MAMDC2: variants seen among roughly 807,000 people sequenced by gnomAD.
The protein encoded by MAMDC2 is MAM domain containing 2.
In MAMDC2, 57 loss-of-function variants were observed where a neutral mutation model predicts 89.8. That is an observed-to-expected ratio of 0.63 (90% CI 0.51 to 0.79). The LOEUF (loss-of-function observed/expected upper bound fraction) is 0.79. Among genes scored for constraint, MAMDC2 ranks in the 30% least tolerant of loss-of-function variants. MAMDC2 has a pLI of 0.00. For missense variants in MAMDC2, 800 were observed against 820.6 expected, an observed-to-expected ratio of 0.97 and a Z score of 0.31; for synonymous variants, 313 against 293.4, an observed-to-expected ratio of 1.07 and a Z score of -0.68.
At chr9:70,154,629 GTCC>G (rs2031690023) in intron 9 of MAMDC2, among the ~76,000 whole-genome samples, 1 of 149,802 alleles carries the variant, frequency 6.7e-6, no homozygotes, top group African/African-American at 2.5e-5. Context: ...GGCTCAAGCA[GTCC>G]TCCCACCTCA....
intron 4 of MAMDC2, among the ~76,000 whole-genome samples, chr9:70,110,293 A>G (rs752784): frequency 0.033 from 5,015 of 152,302 alleles, 270 homozygotes; most frequent in African/African-American, 0.11. Flanking sequence ...GGCATAAAGA[A>G]AGGATAAACC....
At chr9:70,049,132 G>T (rs1826829158) in intron 2 of MAMDC2, among the ~76,000 whole-genome samples, 1 of 152,168 alleles carries the variant, frequency 6.6e-6, no homozygotes, top group South Asian at 2.1e-4. Context: ...TACAGAAAAA[G>T]GTTGGATGGC....
intron 12 of MAMDC2, among the ~76,000 whole-genome samples, chr9:70,221,374 T>TAGAGAGAGAGAG: frequency 1.5e-4 from 1 of 6,484 alleles, no homozygotes; most frequent in Non-Finnish European, 3.3e-4. Flanking sequence ...TATATATATA[T>TAGAGAGAGAGAG]ATATATAGAG....
intron 5 of MAMDC2, among the ~76,000 whole-genome samples, chr9:70,121,193 C>T (rs2030266973): frequency 6.6e-6 from 1 of 152,206 alleles, no homozygotes; most frequent in Non-Finnish European, 1.5e-5. Context: ...AAAGTTCTTT[C>T]CCTAATGCAA....
At chr9:70,129,384 ACATGGAACTGTAAGTC>A (rs2030697699) in intron 6 of MAMDC2, among the ~76,000 whole-genome samples, 1 of 152,186 alleles carries the variant, frequency 6.6e-6, no homozygotes, top group Non-Finnish European at 1.5e-5. Context: ...CTCCCCAGCC[ACATGGAACTGTAAGTC>A]CATTAAACTC....
In MAMDC2 at chr9:70,044,045, T is replaced by G; in HGVS notation, c.-153T>G. ...GGCTCCGGGAGCCGCTCTGCAAAGTTGGGCAGCTCAGAGCGCAAGCTTTGC... is the reference window on the plus strand; with the variant it reads ...GGCTCCGGGAGCCGCTCTGCAAAGTGGGGCAGCTCAGAGCGCAAGCTTTGC... On this transcript the variant is annotated 5_prime_UTR_variant, in exon 1 of 14. Coordinates refer to ENST00000377182, the MANE Select transcript of MAMDC2 (RefSeq NM_153267.5). 1.2e-6 allele frequency: 1 copy of G among 847,586 alleles called. No homozygotes were observed. Among genetic ancestry groups the G allele is most frequent in the African/African-American group, 1.7e-5 (1 of 59,368 alleles). 52.5% of individuals were successfully genotyped at this position (847,586 alleles called of 1,614,324 possible).
chr9:70,216,399 A>G (rs1383270113), intron 11 of MAMDC2: 1 of 151,308 alleles, frequency 6.6e-6, no homozygotes, highest in Non-Finnish European at 1.5e-5. Context: ...GTGTGCCCAC[A>G]TGGCCTTTCT....
chr9:70,112,192 A>ATTATACTTCCTGTGTGATTATACTTC (rs1356429715), intron 4 of MAMDC2, among the ~76,000 whole-genome samples: 1 of 152,168 alleles, frequency 6.6e-6, no homozygotes, highest in Non-Finnish European at 1.5e-5. Flanking sequence ...TCCTAGTTTA[A>ATTATACTTCCTGTGTGATTATACTTC]CTGTGTGATT....
intron 2 of MAMDC2, among the ~76,000 whole-genome samples, chr9:70,066,848 A>G (rs942516363): frequency 6.6e-6 from 1 of 152,352 alleles, no homozygotes; most frequent in South Asian, 2.1e-4. Context: ...AATAAAGCCA[A>G]TGGGATTTGC....
intron 11 of MAMDC2, among the ~76,000 whole-genome samples, chr9:70,174,818 G>T (rs2309632): frequency 0.79 from 119,148 of 151,214 alleles, 47,071 homozygotes; most frequent in Admixed American, 0.83. Flanking sequence ...TCCACCTCCC[G>T]GGTTCAAGCA....
At chr9:70,090,190 C>A (rs1827859478) in intron 2 of MAMDC2, among the ~76,000 whole-genome samples, 1 of 151,796 alleles carries the variant, frequency 6.6e-6, no homozygotes, top group South Asian at 2.1e-4. Flanking sequence ...AAAAAGATGT[C>A]ATCTGGGCAT....
At chr9:70,054,098 A>G (rs184946881) in intron 2 of MAMDC2, among the ~76,000 whole-genome samples, 93 of 152,224 alleles carry the variant, frequency 6.1e-4, no homozygotes, top group Non-Finnish European at 1.2e-3. Context: ...AAAAGATATG[A>G]TCAGTTCTGA....
At chr9:70,090,489 A>AAAAAG (rs1462314122) in intron 2 of MAMDC2, 1 of 151,924 alleles carries the variant, frequency 6.6e-6, no homozygotes, top group African/African-American at 2.4e-5. Flanking sequence ...GTCTCAAAAA[A>AAAAAG]AAAAAAAAAA....
intron 11 of MAMDC2, among the ~76,000 whole-genome samples, chr9:70,183,958 G>A (rs532273223): frequency 1.6e-4 from 24 of 152,204 alleles, no homozygotes; most frequent in Non-Finnish European, 3.1e-4. Context: ...GTTACTTGAT[G>A]TAGTTTCTTC....
rs558895254 is a variant in MAMDC2 at position 70,067,293 on chromosome 9, A to G, written c.148+22596A>G. 6.6e-3 allele frequency among the ~76,000 whole-genome samples: 1,001 copies of G among 152,306 alleles called. 10 individuals carry two copies. The highest frequency in any genetic ancestry group is 0.011 in the Non-Finnish European group (779 of 68,026). On this transcript the variant is annotated intron_variant, in intron 2 of 13. Coordinates refer to ENST00000377182, the MANE Select transcript of MAMDC2 (RefSeq NM_153267.5). Reference sequence around the variant, plus strand: ...GCTGCTTTCCAGTGGCTGTCCCACCATCTGGAGTAATAAGCCCTTCAGTCC... The same window carrying G: ...GCTGCTTTCCAGTGGCTGTCCCACCGTCTGGAGTAATAAGCCCTTCAGTCC...
intron 11 of MAMDC2, among the ~76,000 whole-genome samples, chr9:70,177,024 A>G (rs2032521626): frequency 6.6e-6 from 1 of 152,216 alleles, no homozygotes; most frequent in South Asian, 2.1e-4. Context: ...GACACTAACA[A>G]TGACCAATAA....
At chr9:70,119,895 C>G (rs1432173647) in intron 5 of MAMDC2, among the ~76,000 whole-genome samples, 6 of 152,210 alleles carry the variant, frequency 3.9e-5, no homozygotes, top group African/African-American at 1.2e-4. Flanking sequence ...GACCTTCATA[C>G]AGCACATGGC....
chr9:70,100,419 C>T (rs1417322249), intron 2 of MAMDC2, among the ~76,000 whole-genome samples: 2 of 152,198 alleles, frequency 1.3e-5, no homozygotes, highest in Admixed American at 1.3e-4. Flanking sequence ...ACAGTTAAGG[C>T]ATTCAGAAAA....
intron 11 of MAMDC2, among the ~76,000 whole-genome samples, chr9:70,185,642 T>C (rs2032738508): frequency 6.6e-6 from 1 of 152,140 alleles, no homozygotes; most frequent in African/African-American, 2.4e-5. Flanking sequence ...CTGTGGTGAG[T>C]TCTGCCCAGT....
Sources: gnomAD v4.1 joint callset for allele counts (sites outside exome capture counted in the v4.1 genomes callset) on GRCh38, gnomAD v4.1.1 for gene constraint, MANE v1.5 for transcripts, NCBI Gene and HGNC (gene_info 2026-07-23, HGNC 2026-07-21) for gene names.